The following CTNNA3 variants were observed in gnomAD, a reference collection of about 807,000 sequenced individuals.
The protein encoded by CTNNA3 is catenin alpha-3.
A neutral mutation model predicts 95.7 loss-of-function variants in CTNNA3; 76 were observed. The ratio of observed to expected loss-of-function variants is 0.79; its 90% CI spans 0.66 to 0.96. The LOEUF is 0.96. CTNNA3 is among the 40% of genes least tolerant of loss of function. The pLI is 0.00. For missense variants in CTNNA3, 1,191 were observed against 1,089.8 expected (o/e 1.09, Z -1.31); for synonymous variants, 431 against 374.4 (o/e 1.15, Z -1.74).
At chr10:66,655,755 AC>A (rs963944173) in intron 9 of CTNNA3, among the ~76,000 whole-genome samples, 1 of 152,146 alleles carries the variant, frequency 6.6e-6, no homozygotes, top group Non-Finnish European at 1.5e-5. Flanking sequence ...GAGGGAGATA[AC>A]TAGGAATTAC....
chr10:67,274,334 C>A (rs1839099097), intron 5 of CTNNA3, among the ~76,000 whole-genome samples: 1 of 151,854 alleles, frequency 6.6e-6, no homozygotes, highest in Non-Finnish European at 1.5e-5. Flanking sequence ...ATGTTTAGGC[C>A]AATAAGAGTT....
chr10:67,484,141 A>G (rs1016632269), intron 5 of CTNNA3, among the ~76,000 whole-genome samples: 1 of 152,192 alleles, frequency 6.6e-6, no homozygotes, highest in Non-Finnish European at 1.5e-5. Context: ...ACATAGACCA[A>G]TGTAACAGAA....
At chr10:66,209,787 G>A (rs975451243) in intron 13 of CTNNA3, among the ~76,000 whole-genome samples, 10 of 152,098 alleles carry the variant, frequency 6.6e-5, no homozygotes, top group Non-Finnish European at 1.0e-4. Flanking sequence ...TGTGTCCTCC[G>A]GAAAACTTTA....
chr10:67,735,396 A>G (rs1841297339), intron 1 of CTNNA3, among the ~76,000 whole-genome samples: 1 of 152,208 alleles, frequency 6.6e-6, no homozygotes, highest in South Asian at 2.1e-4. Flanking sequence ...TTATGCAGTC[A>G]TTAAAATAAT....
At chr10:66,165,339 A>C (rs2085071102) in intron 13 of CTNNA3, among the ~76,000 whole-genome samples, 1 of 152,146 alleles carries the variant, frequency 6.6e-6, no homozygotes, top group East Asian at 1.9e-4. Flanking sequence ...ACAAGGAATG[A>C]AAAACTAATT....
At chr10:66,616,288 T>C (rs1203845534) in intron 10 of CTNNA3, among the ~76,000 whole-genome samples, 1 of 152,098 alleles carries the variant, frequency 6.6e-6, no homozygotes, top group Non-Finnish European at 1.5e-5. Context: ...CTCCAAATCC[T>C]GTGTTCTCAA....
At chr10:67,016,553 T>C (rs908559353) in intron 7 of CTNNA3, among the ~76,000 whole-genome samples, 5 of 152,068 alleles carry the variant, frequency 3.3e-5, no homozygotes, top group African/African-American at 1.2e-4. Flanking sequence ...TCCCTACCAT[T>C]CTAGAGTCTC....
chr10:67,319,896 CAAAAAAAAAA>C (rs11418140), intron 5 of CTNNA3, among the ~76,000 whole-genome samples: 1 of 102,900 alleles, frequency 9.7e-6, no homozygotes, highest in Non-Finnish European at 1.8e-5. Context: ...GACTCAGTCT[CAAAAAAAAAA>C]AAAAAAAAAA....
intron 12 of CTNNA3, among the ~76,000 whole-genome samples, chr10:66,326,461 A>C (rs2092255798): frequency 6.6e-6 from 1 of 152,106 alleles, no homozygotes; most frequent in African/African-American, 2.4e-5. Context: ...ACACTAACTC[A>C]TATTAAATGT....
At chr10:66,570,468 T>C (rs1842837720) in intron 10 of CTNNA3, among the ~76,000 whole-genome samples, 1 of 152,016 alleles carries the variant, frequency 6.6e-6, no homozygotes, top group Non-Finnish European at 1.5e-5. Flanking sequence ...TTTTTATTTT[T>C]AGTAGAGTCG....
chr10:67,169,752 A>C (rs1861932302), intron 7 of CTNNA3, among the ~76,000 whole-genome samples: 2 of 152,158 alleles, frequency 1.3e-5, no homozygotes, highest in African/African-American at 4.8e-5. Flanking sequence ...ACCAAAAGCA[A>C]TCACAACAAA....
intron 7 of CTNNA3, among the ~76,000 whole-genome samples, chr10:66,845,716 A>ATAAAT (rs1306765689): frequency 3.9e-5 from 5 of 127,002 alleles, no homozygotes; most frequent in Non-Finnish European, 8.3e-5. Context: ...AAAAAAAAAA[A>ATAAAT]AAAAAAAAAA....
At chr10:66,184,225 G>A (rs2086207209) in intron 13 of CTNNA3, among the ~76,000 whole-genome samples, 1 of 152,132 alleles carries the variant, frequency 6.6e-6, no homozygotes, top group African/African-American at 2.4e-5. Context: ...CTTGAACCTG[G>A]GAGGCAGAGG....
At chr10:66,351,872 A>C (rs1176205689) in intron 12 of CTNNA3, among the ~76,000 whole-genome samples, 2 of 152,058 alleles carry the variant, frequency 1.3e-5, no homozygotes, top group Non-Finnish European at 2.9e-5. Context: ...AATAACACAA[A>C]TGTAGTTGAA....
intron 7 of CTNNA3, among the ~76,000 whole-genome samples, chr10:66,848,771 T>C (rs1843371348): frequency 6.6e-6 from 1 of 152,182 alleles, no homozygotes; most frequent in South Asian, 2.1e-4. Flanking sequence ...GGACACCAAA[T>C]AGATATTTTC....
In CTNNA3 at chr10:66,944,194, AATAAGTTT is replaced by A. The variant is rs1460409357; in HGVS notation, c.1048-168678_1048-168671del. Among the ~76,000 whole-genome samples the A allele has an allele frequency of 3.3e-5, 5 of 152,358 alleles. No individual in the cohort carries two copies. The East Asian group carries it at 9.6e-4, about 29-fold the overall frequency. On this transcript the variant is annotated intron_variant, in intron 7 of 17. Coordinates refer to ENST00000433211, the MANE Select transcript of CTNNA3 (RefSeq NM_013266.4). The stretch of plus-strand genomic sequence containing the variant: ...CTCAAACTCTGCCACTGCTTCATCA[AATAAGTTT>A]ATAAGTTTATGAAATATTCTAAATC...
At chr10:66,484,542 T>A (rs958211629) in intron 11 of CTNNA3, among the ~76,000 whole-genome samples, 4 of 151,962 alleles carry the variant, frequency 2.6e-5, no homozygotes, top group South Asian at 2.1e-4. Context: ...GTGAAAAGTA[T>A]AAAACAGAGA....
intron 10 of CTNNA3, among the ~76,000 whole-genome samples, chr10:66,563,305 C>T (rs898358650): frequency 6.6e-6 from 1 of 152,060 alleles, no homozygotes; most frequent in Admixed American, 6.6e-5. Context: ...ATAGCCATTT[C>T]TCCTTTATTT....
intron 9 of CTNNA3, among the ~76,000 whole-genome samples, chr10:66,715,555 A>C (rs1848424115): frequency 6.6e-6 from 1 of 152,186 alleles, no homozygotes; most frequent in Non-Finnish European, 1.5e-5. Context: ...TGCTGCCTTA[A>C]ATATATAATT....
Sources: gnomAD v4.1 joint callset for allele counts (sites outside exome capture counted in the v4.1 genomes callset) on GRCh38, gnomAD v4.1.1 for gene constraint, MANE v1.5 for transcripts, NCBI Gene and HGNC (gene_info 2026-07-23, HGNC 2026-07-21) for gene names.